The following COG5 variants were observed in gnomAD, a reference collection of about 807,000 sequenced individuals.
COG5 encodes the protein conserved oligomeric Golgi complex subunit 5.
Under a neutral mutation model 110.4 loss-of-function variants are expected in COG5, and 86 were observed. The ratio of observed to expected loss-of-function variants is 0.78; its 90% CI spans 0.65 to 0.93. COG5 has a LOEUF of 0.93. COG5 is among the 40% of genes least tolerant of loss of function. The pLI is 0.00. For missense variants in COG5, 1,077 were observed against 987.0 expected (o/e 1.09, Z -1.22); for synonymous variants, 360 against 334.6 (o/e 1.08, Z -0.83).
At chr7:107,235,222 G>T (rs1001261103) in intron 18 of COG5, among the ~76,000 whole-genome samples, 1 of 152,204 alleles carries the variant, frequency 6.6e-6, no homozygotes, top group Admixed American at 6.5e-5. Flanking sequence ...CTTGATACAA[G>T]CAGTCTGTCC....
At chr7:107,526,236 T>C (rs1361252130) in intron 6 of COG5, among the ~76,000 whole-genome samples, 4 of 152,146 alleles carry the variant, frequency 2.6e-5, no homozygotes, top group East Asian at 1.9e-4. Context: ...GCCTACAAAG[T>C]ACAAATGCCA....
chr7:107,391,960 G>A (rs929943495), intron 7 of COG5, among the ~76,000 whole-genome samples: 81 of 152,180 alleles, frequency 5.3e-4, no homozygotes, highest in Non-Finnish European at 1.1e-3. Context: ...GCATGGTGGC[G>A]GCCACCTGTA....
intron 6 of COG5, among the ~76,000 whole-genome samples, chr7:107,456,745 C>A (rs187215679): frequency 1.2e-4 from 19 of 152,264 alleles, no homozygotes; most frequent in African/African-American, 4.3e-4. Context: ...AGAACCACTA[C>A]CAGAAAATCT....
At chr7:107,380,956 C>A (rs1815069139) in intron 7 of COG5, among the ~76,000 whole-genome samples, 1 of 152,142 alleles carries the variant, frequency 6.6e-6, no homozygotes, top group East Asian at 1.9e-4. Context: ...AAAAGCTTAT[C>A]CACCCTGATC....
At chr7:107,345,888 G>A (rs1811560823) in intron 10 of COG5, among the ~76,000 whole-genome samples, 1 of 152,036 alleles carries the variant, frequency 6.6e-6, no homozygotes, top group Non-Finnish European at 1.5e-5. Context: ...AGCATATTTT[G>A]CTATTTGAGC....
chr7:107,434,134 C>T (rs1347255989), intron 6 of COG5, among the ~76,000 whole-genome samples: 1 of 151,982 alleles, frequency 6.6e-6, no homozygotes, highest in Non-Finnish European at 1.5e-5. Context: ...GTTAGAATGG[C>T]CACTATTAAA....
intron 7 of COG5, among the ~76,000 whole-genome samples, chr7:107,403,126 T>C (rs1791559971): frequency 6.6e-6 from 1 of 152,230 alleles, no homozygotes; most frequent in African/African-American, 2.4e-5. Flanking sequence ...TTGCATTTAC[T>C]AAAACAATTT....
chr7:107,470,670 A>G (rs922263187), intron 6 of COG5, among the ~76,000 whole-genome samples: 2 of 152,122 alleles, frequency 1.3e-5, no homozygotes, highest in African/African-American at 2.4e-5. Flanking sequence ...CATTATGAAG[A>G]CAGCTTTTGA....
chr7:107,415,192 A>G (rs1361823140), intron 6 of COG5, among the ~76,000 whole-genome samples: 1 of 152,256 alleles, frequency 6.6e-6, no homozygotes, highest in Non-Finnish European at 1.5e-5. Context: ...GAATGCACGT[A>G]TGAAATTGGG....
At chr7:107,366,161 A>T (rs963207305) in intron 8 of COG5, among the ~76,000 whole-genome samples, 1 of 152,164 alleles carries the variant, frequency 6.6e-6, no homozygotes, top group Non-Finnish European at 1.5e-5. Flanking sequence ...TATTATAGAA[A>T]TAAGGACCAT....
At chr7:107,394,183 T>C (rs1790822750) in intron 7 of COG5, among the ~76,000 whole-genome samples, 1 of 151,928 alleles carries the variant, frequency 6.6e-6, no homozygotes, top group South Asian at 2.1e-4. Flanking sequence ...CAGCATGGTG[T>C]CGATCTCCTG....
At chr7:107,440,681 G>A (rs1373381766) in intron 6 of COG5, among the ~76,000 whole-genome samples, 1 of 152,048 alleles carries the variant, frequency 6.6e-6, no homozygotes, top group Non-Finnish European at 1.5e-5. Flanking sequence ...ATCACCAATG[G>A]CTAATGATTT....
At chr7:107,225,202 T>C (rs184759517) in intron 19 of COG5, among the ~76,000 whole-genome samples, 2 of 152,354 alleles carry the variant, frequency 1.3e-5, no homozygotes, top group Admixed American at 1.3e-4. Flanking sequence ...CCTCTGTGGC[T>C]ATTGCAACCT....
At chr7:107,547,468 G>A (rs1408290320) in intron 5 of COG5, among the ~76,000 whole-genome samples, 2 of 152,102 alleles carry the variant, frequency 1.3e-5, no homozygotes, top group Admixed American at 6.6e-5. Flanking sequence ...AACAAAACAA[G>A]GATGCACACT....
intron 17 of COG5, among the ~76,000 whole-genome samples, chr7:107,239,692 C>T (rs1801464721): frequency 6.6e-6 from 1 of 152,008 alleles, no homozygotes; most frequent in Non-Finnish European, 1.5e-5. Context: ...ATTTTGTTTC[C>T]ATTTTCATTT....
intron 8 of COG5, among the ~76,000 whole-genome samples, chr7:107,371,149 A>T (rs1306884208): frequency 6.6e-6 from 1 of 152,212 alleles, no homozygotes; most frequent in Non-Finnish European, 1.5e-5. Context: ...TCTTTCTGGA[A>T]TAGTTTCAAT....
At chr7:107,459,437 A>G (rs1316782796) in intron 6 of COG5, among the ~76,000 whole-genome samples, 2 of 152,132 alleles carry the variant, frequency 1.3e-5, no homozygotes, top group Admixed American at 1.3e-4. Context: ...ACAAATCTGC[A>G]ATTATAGGCA....
At chr7:107,468,910 A>G (rs1188443523) in intron 6 of COG5, among the ~76,000 whole-genome samples, 1 of 151,900 alleles carries the variant, frequency 6.6e-6, no homozygotes, top group Non-Finnish European at 1.5e-5. Flanking sequence ...TAAGTCTAAA[A>G]GAAATTTATC....
Position 107,394,042 on chromosome 7 carries a change from AG to A in COG5, c.669+18459del, listed in dbSNP as rs543977395. Among the ~76,000 whole-genome samples, 792 of 151,984 alleles carry A rather than the reference AG, an allele frequency of 5.2e-3. 8 individuals are homozygous for A. Among genetic ancestry groups the A allele is most frequent in the African/African-American group, 0.019 (770 of 41,456 alleles). ...AGTGGCACAATCTCAGCTCACTGCA[AG>A]CTCCACCTCCCAGGTTCACGCCATT... On this transcript the variant is annotated intron_variant, in intron 7 of 21. Transcript: ENST00000297135.
Sources: allele counts gnomAD v4.1 joint callset (sites outside exome capture counted in the v4.1 genomes callset), GRCh38; gene constraint gnomAD v4.1.1; transcripts MANE v1.5; gene names NCBI Gene and HGNC (gene_info 2026-07-23, HGNC 2026-07-21).